The following CCSER1 variants were observed in gnomAD, a reference collection of about 807,000 sequenced individuals.
CCSER1 encodes the protein coiled-coil serine rich protein 1.
CCSER1 carries 41 observed loss-of-function variants against 82.0 expected under a neutral mutation model. The ratio of observed to expected loss-of-function variants is 0.50; its 90% CI spans 0.39 to 0.65. The LOEUF (loss-of-function observed/expected upper bound fraction) is 0.65. Ranked by LOEUF, CCSER1 falls within the 30% of genes least tolerant of loss-of-function variation. CCSER1 has a pLI of 0.00. For missense variants in CCSER1, 1,119 were observed against 1,064.2 expected, an observed-to-expected ratio of 1.05 and a Z score of -0.72; for synonymous variants, 414 against 383.9, an observed-to-expected ratio of 1.08 and a Z score of -0.92.
chr4:90,682,588 G>T (rs919053554), intron 6 of CCSER1, among the ~76,000 whole-genome samples: 1 of 151,788 alleles, frequency 6.6e-6, no homozygotes, highest in Non-Finnish European at 1.5e-5. Context: ...TGGAGCCAGG[G>T]CTCTGTTCCG....
At position 90,514,960 on chromosome 4, in the gene CCSER1, C is replaced by T. The variant is rs144294959; in HGVS notation, c.1724+46606C>T. ...GCAACCTCTGCCTCTCAGGTTCAAG[C>T]GATTTTCCTGCTTCAGCCTCCTGAG... On this transcript the variant is annotated intron_variant, in intron 5 of 10. Transcript: ENST00000509176. Among the ~76,000 whole-genome samples, 1,079 of 151,254 alleles carry T rather than the reference C, an allele frequency of 7.1e-3. 6 individuals carry two copies. Among genetic ancestry groups the T allele is most frequent in the African/African-American group, 0.017 (715 of 41,214 alleles).
intron 10 of CCSER1, among the ~76,000 whole-genome samples, chr4:91,508,143 C>CT (rs35283008): frequency 5.1e-4 from 50 of 97,864 alleles, no homozygotes; most frequent in African/African-American, 9.6e-4. Context: ...GACAGAGATC[C>CT]TTTTTTTTTT....
At chr4:90,283,591 A>C (rs1208418628) in intron 1 of CCSER1, among the ~76,000 whole-genome samples, 2 of 152,090 alleles carry the variant, frequency 1.3e-5, no homozygotes, top group Non-Finnish European at 2.9e-5. Context: ...TTATTGTGCT[A>C]TTGAACATTA....
intron 10 of CCSER1, among the ~76,000 whole-genome samples, chr4:91,492,702 G>A (rs1305323077): frequency 6.6e-6 from 1 of 152,024 alleles, no homozygotes; most frequent in Non-Finnish European, 1.5e-5. Context: ...ATCCTCGGGG[G>A]CAATTTCTCT....
chr4:91,566,710 T>C (rs1175490595), intron 10 of CCSER1, among the ~76,000 whole-genome samples: 1 of 152,152 alleles, frequency 6.6e-6, no homozygotes, highest in Non-Finnish European at 1.5e-5. Context: ...TGGTTGTTTT[T>C]ATTTCTGTGG....
At chr4:90,366,017 C>CA (rs1268031631) in intron 3 of CCSER1, among the ~76,000 whole-genome samples, 3 of 151,170 alleles carry the variant, frequency 2.0e-5, no homozygotes, top group Non-Finnish European at 1.5e-5. Context: ...ATTTCAATGC[C>CA]AAAAAAACAT....
chr4:90,351,514 T>C (rs1187180358), intron 3 of CCSER1, among the ~76,000 whole-genome samples: 1 of 152,172 alleles, frequency 6.6e-6, no homozygotes, highest in Non-Finnish European at 1.5e-5. Flanking sequence ...TTTGAGTATA[T>C]ATAAATGGAA....
At chr4:91,470,152 T>A (rs1180779442) in intron 10 of CCSER1, among the ~76,000 whole-genome samples, 2 of 152,226 alleles carry the variant, frequency 1.3e-5, no homozygotes, top group Admixed American at 1.3e-4. Context: ...TTTAATATTT[T>A]GTAAACTTGC....
At chr4:91,504,363 A>G (rs918567384) in intron 10 of CCSER1, among the ~76,000 whole-genome samples, 3 of 152,156 alleles carry the variant, frequency 2.0e-5, no homozygotes, top group Non-Finnish European at 4.4e-5. Flanking sequence ...TTTCCAAAAA[A>G]TTCTAAAATT....
In CCSER1 at chr4:90,577,412, T is replaced by C. The variant is rs955654486; in HGVS notation, c.1725-50613T>C. On this transcript the variant is annotated intron_variant, in intron 5 of 10. Transcript: ENST00000509176. The stretch of plus-strand genomic sequence containing the variant: ...TTACCTAAGAATTTGTCAGTTTTAG[T>C]TGAGGGATTTTTTGTTTTGCTTTTT... Among the ~76,000 whole-genome samples the C allele has an allele frequency of 2.6e-5, 4 of 152,186 alleles. No individual in the cohort carries two copies. The Middle Eastern group carries it at 0.014, about 518-fold the overall frequency.
chr4:90,346,230 C>A (rs1431875008), intron 3 of CCSER1, among the ~76,000 whole-genome samples: 1 of 152,000 alleles, frequency 6.6e-6, no homozygotes, highest in Admixed American at 6.6e-5. Context: ...CCAAATATTT[C>A]TTGCATAAAT....
chr4:90,934,000 G>A (rs1390562948), intron 9 of CCSER1, among the ~76,000 whole-genome samples: 1 of 151,652 alleles, frequency 6.6e-6, no homozygotes, highest in Non-Finnish European at 1.5e-5. Flanking sequence ...TATAATTAAA[G>A]TCTTATCCTA....
At chr4:91,345,259 C>T (rs1428110158) in intron 10 of CCSER1, among the ~76,000 whole-genome samples, 8 of 151,934 alleles carry the variant, frequency 5.3e-5, no homozygotes, top group Admixed American at 1.3e-4. Context: ...GGAGTGAGGG[C>T]GGGTGCTTCT....
At chr4:90,493,981 A>C (rs1370141178) in intron 5 of CCSER1, among the ~76,000 whole-genome samples, 1 of 152,338 alleles carries the variant, frequency 6.6e-6, no homozygotes. Flanking sequence ...AATTGGATAA[A>C]GAGTCAAGAC....
chr4:91,093,181 A>G (rs1388171099), intron 10 of CCSER1, among the ~76,000 whole-genome samples: 3 of 152,190 alleles, frequency 2.0e-5, no homozygotes, highest in African/African-American at 2.4e-5. Flanking sequence ...CTTCAATAAC[A>G]TCATCCAAAG....
chr4:91,446,632 CTATG>C (rs1410488484), intron 10 of CCSER1, among the ~76,000 whole-genome samples: 7 of 143,908 alleles, frequency 4.9e-5, no homozygotes, highest in African/African-American at 1.8e-4. Flanking sequence ...TATGTAATGT[CTATG>C]TAATGAATAT....
At chr4:91,188,231 T>G (rs921886663) in intron 10 of CCSER1, among the ~76,000 whole-genome samples, 3 of 152,190 alleles carry the variant, frequency 2.0e-5, no homozygotes, top group African/African-American at 7.2e-5. Context: ...GTTTTAATAC[T>G]TCAATTATAG....
Position 90,736,763 on chromosome 4 carries a change from T to A in CCSER1, c.2010+12772T>A, listed in dbSNP as rs140541564. 5.3e-3 allele frequency among the ~76,000 whole-genome samples: 800 copies of A among 152,156 alleles called. 6 individuals carry two copies. The highest frequency in any genetic ancestry group is 0.018 in the African/African-American group (768 of 41,554). ...CTCCTATTTTGTTTTCTGGTTGTTT[T>A]TTCCTTCTTTCCTCCCTTGCTATTT... On this transcript the variant is annotated intron_variant, in intron 7 of 10. Transcript: ENST00000509176.
intron 3 of CCSER1, among the ~76,000 whole-genome samples, chr4:90,363,512 A>C (rs1178777105): frequency 6.6e-6 from 1 of 151,936 alleles, no homozygotes; most frequent in African/African-American, 2.4e-5. Flanking sequence ...AAGTGCACTC[A>C]TGTGTTTGAG....
Sources: allele counts gnomAD v4.1 joint callset (sites outside exome capture counted in the v4.1 genomes callset), GRCh38; gene constraint gnomAD v4.1.1; transcripts MANE v1.5; gene names NCBI Gene and HGNC (gene_info 2026-07-23, HGNC 2026-07-21).